The following FAAH2 variants were observed in gnomAD, a reference collection of about 807,000 sequenced individuals.
The protein encoded by FAAH2 is fatty-acid amide hydrolase 2.
Under a neutral mutation model 36.9 loss-of-function variants are expected in FAAH2, and 60 were observed. The ratio of observed to expected loss-of-function variants is 1.63; its 90% CI spans 1.32 to 2.02. The LOEUF is 2.02. Ranked by LOEUF, FAAH2 falls within the 30% of genes most tolerant of loss-of-function variation. The pLI, the probability that FAAH2 is intolerant of heterozygous loss-of-function variation, is 0.00. For synonymous variants in FAAH2, 214 were observed against 143.8 expected (o/e 1.49, Z -3.49); for missense variants, 689 against 397.5 (o/e 1.73, Z -6.23).
rs768957995 is a variant in FAAH2 at position 57,335,299 on chromosome X, C to T, written c.622+3492C>T. On this transcript the variant is annotated intron_variant, in intron 4 of 10. Transcript: ENST00000374900. Reference sequence around the variant, plus strand: ...AAGAAAAATGGGCCCAGGGGACCGGCGTTCAGCATAAGGAGGACCCGTATT... The same window carrying T: ...AAGAAAAATGGGCCCAGGGGACCGGTGTTCAGCATAAGGAGGACCCGTATT... 3.6e-5 allele frequency among the ~76,000 whole-genome samples: 4 copies of T among 110,991 alleles called. No homozygotes were observed. In the East Asian group the frequency reaches 8.5e-4, roughly 24 times the overall value.
At chrX:57,385,206 C>T (rs2054983523) in intron 7 of FAAH2, among the ~76,000 whole-genome samples, 1 of 106,468 alleles carries the variant, frequency 9.4e-6, no homozygotes, top group Non-Finnish European at 1.9e-5. Flanking sequence ...GTGCAGCACA[C>T]CAACATGGCA....
chrX:57,475,814 C>T lies in FAAH2; in HGVS notation c.1424-12943C>T, dbSNP rs200795832. 2.1e-4 allele frequency among the ~76,000 whole-genome samples: 23 copies of T among 111,994 alleles called. No individual in the cohort carries two copies. The East Asian group carries it at 6.4e-3, about 31-fold the overall frequency. On this transcript the variant is annotated intron_variant, in intron 10 of 10. Transcript: ENST00000374900. ...GGCCATTTTCAGGATATTGATTCTT[C>T]CTATCCATGAGCTTGAATTGTTTTT... is the stretch of plus-strand genomic sequence containing the variant.
chrX:57,230,166 G>A, the FAAH2 span, among the ~76,000 whole-genome samples: 2 of 111,998 alleles, frequency 1.8e-5, no homozygotes, highest in Non-Finnish European at 3.8e-5. Context: ...AACCTTCTGG[G>A]TATAACTTCT....
At chrX:57,474,643 A>G (rs1177393995) in intron 10 of FAAH2, among the ~76,000 whole-genome samples, 1 of 111,753 alleles carries the variant, frequency 8.9e-6, no homozygotes, top group Non-Finnish European at 1.9e-5. Flanking sequence ...AGTCTTTGCT[A>G]TTGTAAATAA....
intron 2 of FAAH2, among the ~76,000 whole-genome samples, chrX:57,296,406 G>T (rs2052160604): frequency 8.9e-6 from 1 of 111,825 alleles, no homozygotes; most frequent in African/African-American, 3.3e-5. Flanking sequence ...CTGTTACAAG[G>T]AAAACTAACA....
the FAAH2 span, among the ~76,000 whole-genome samples, chrX:57,273,362 A>G: frequency 1.8e-5 from 2 of 111,616 alleles, no homozygotes; most frequent in Admixed American, 9.5e-5. Flanking sequence ...GGAGACAGAA[A>G]ATTAACAGTG....
the FAAH2 span, among the ~76,000 whole-genome samples, chrX:57,280,552 C>G: frequency 1.8e-5 from 2 of 108,388 alleles, no homozygotes; most frequent in Admixed American, 1.0e-4. Context: ...AAAATGGTGA[C>G]TGTAAGAAAT....
the FAAH2 span, among the ~76,000 whole-genome samples, chrX:57,273,248 C>T: frequency 9.0e-6 from 1 of 111,573 alleles, no homozygotes; most frequent in East Asian, 2.8e-4. Flanking sequence ...TACAGGAGCA[C>T]ACATATTAAT....
chrX:57,470,595 G>A (rs892941721), intron 10 of FAAH2, among the ~76,000 whole-genome samples: 1 of 110,947 alleles, frequency 9.0e-6, no homozygotes. Flanking sequence ...TGAAATTGAG[G>A]CAATAATTAA....
At chrX:57,216,308 C>T in the FAAH2 span, among the ~76,000 whole-genome samples, 7 of 104,412 alleles carry the variant, frequency 6.7e-5, no homozygotes, top group Admixed American at 7.6e-4. Context: ...CCAAAGCCCA[C>T]TGTATCATTC....
intron 7 of FAAH2, among the ~76,000 whole-genome samples, chrX:57,412,088 T>C (rs1395173820): frequency 8.9e-6 from 1 of 111,794 alleles, no homozygotes; most frequent in Admixed American, 9.5e-5. Context: ...GCCTAAAACA[T>C]TTATTATTAC....
At chrX:57,310,520 A>G (rs2052662967) in intron 2 of FAAH2, 73 bp from the exon 3 acceptor site, 2 of 1,060,663 alleles carry the variant, frequency 1.9e-6, no homozygotes, top group South Asian at 4.7e-5. Context: ...ACATGTTGAT[A>G]TGGGTATTCT....
chrX:57,449,034 G>T (rs73516900), intron 10 of FAAH2, among the ~76,000 whole-genome samples: 9,639 of 111,043 alleles, frequency 0.087, 1,006 homozygotes, highest in African/African-American at 0.29. Context: ...TCCCCTGGCT[G>T]CTCTGAATTA....
chrX:57,318,333 T>C (rs2052907089), intron 3 of FAAH2, among the ~76,000 whole-genome samples: 1 of 111,837 alleles, frequency 8.9e-6, no homozygotes, highest in South Asian at 3.7e-4. Flanking sequence ...GTAAAGGGGA[T>C]ATCACTACTG....
chrX:57,466,120 G>A (rs1319348397), intron 10 of FAAH2, among the ~76,000 whole-genome samples: 9 of 83,288 alleles, frequency 1.1e-4, no homozygotes, highest in Non-Finnish European at 2.0e-4. Context: ...GCACTGTATT[G>A]TTGGATTATC....
At chrX:57,224,059 A>G in the FAAH2 span, among the ~76,000 whole-genome samples, 1 of 111,817 alleles carries the variant, frequency 8.9e-6, no homozygotes, top group Admixed American at 9.4e-5. Context: ...CCCTCTTTTT[A>G]TAGTCCCTTT....
At chrX:57,187,183 G>T in the FAAH2 span, among the ~76,000 whole-genome samples, 1 of 111,503 alleles carries the variant, frequency 9.0e-6, no homozygotes. Context: ...AATATTGATT[G>T]TTTCTATCCA....
the FAAH2 span, among the ~76,000 whole-genome samples, chrX:57,259,244 TTC>T: frequency 8.9e-6 from 1 of 111,868 alleles, no homozygotes; most frequent in Admixed American, 9.5e-5. Context: ...GTGATTTTAG[TTC>T]TGTGTATATA....
At chrX:57,325,411 G>A (rs757355080) in intron 3 of FAAH2, among the ~76,000 whole-genome samples, 11 of 111,590 alleles carry the variant, frequency 9.9e-5, no homozygotes, top group South Asian at 3.8e-4. Flanking sequence ...TTCAGAAGGA[G>A]TGGTACCAGC....
Sources: gnomAD v4.1 joint callset for allele counts (sites outside exome capture counted in the v4.1 genomes callset) on GRCh38, gnomAD v4.1.1 for gene constraint, MANE v1.5 for transcripts, NCBI Gene and HGNC (gene_info 2026-07-23, HGNC 2026-07-21) for gene names.